Variants in STK3 observed in about 807,000 individuals in gnomAD.
STK3 encodes serine/threonine-protein kinase 3.
Under a neutral mutation model 58.0 loss-of-function variants are expected in STK3, and 41 were observed. The observed-to-expected ratio is 0.71, with a 90% CI of 0.55 to 0.92. The LOEUF (loss-of-function observed/expected upper bound fraction) is 0.92, where lower values mean the gene tolerates loss of function less well. STK3 is among the 40% of genes least tolerant of loss of function. The probability of loss-of-function intolerance (pLI) is 0.00; values close to 1 mark genes in which losing one functional copy is unlikely to be tolerated. For synonymous variants in STK3, 170 were observed against 191.0 expected (o/e 0.89, Z 0.91); for missense variants, 479 against 602.7 (o/e 0.79, Z 2.15).
chr8:98,931,762 A>C (rs1002666157), intron 1 of STK3, among the ~76,000 whole-genome samples: 2 of 152,204 alleles, frequency 1.3e-5, no homozygotes, highest in African/African-American at 2.4e-5. Flanking sequence ...AATACACAAC[A>C]ATCTCCTTTC....
At chr8:98,651,055 C>A (rs965630965) in intron 6 of STK3, among the ~76,000 whole-genome samples, 1 of 152,252 alleles carries the variant, frequency 6.6e-6, no homozygotes, top group Non-Finnish European at 1.5e-5. Context: ...GGGTCCCTGA[C>A]CCCTGGCCCT....
intron 6 of STK3, among the ~76,000 whole-genome samples, chr8:98,620,599 A>T (rs916802289): frequency 7.9e-5 from 12 of 151,652 alleles, no homozygotes; most frequent in Non-Finnish European, 1.8e-4. Flanking sequence ...ATCCTGTTAA[A>T]ATTTGTAGGA....
chr8:98,881,956 C>T (rs1837809105), downstream of STK3: 2 of 152,072 alleles, frequency 1.3e-5, no homozygotes, highest in South Asian at 4.1e-4. Flanking sequence ...CACTGCACTC[C>T]AGCCTGGGTG....
At chr8:98,634,299 C>G (rs1819472936) in intron 6 of STK3, among the ~76,000 whole-genome samples, 1 of 152,026 alleles carries the variant, frequency 6.6e-6, no homozygotes, top group African/African-American at 2.4e-5. Flanking sequence ...ACAGCCTGGG[C>G]AACATGGTGA....
chr8:98,697,487 G>C (rs1249151455), intron 6 of STK3, among the ~76,000 whole-genome samples: 1 of 152,070 alleles, frequency 6.6e-6, no homozygotes, highest in Non-Finnish European at 1.5e-5. Context: ...TTTCTCTTGT[G>C]GGCATTTAAT....
chr8:98,937,369 A>G (rs775098749), intron 1 of STK3, among the ~76,000 whole-genome samples: 1 of 152,250 alleles, frequency 6.6e-6, no homozygotes, highest in Non-Finnish European at 1.5e-5. Context: ...TTGGAAAGCC[A>G]GAAGTTAAGC....
chr8:98,470,606 T>C (rs1349519896), intron 10 of STK3, among the ~76,000 whole-genome samples: 1 of 152,256 alleles, frequency 6.6e-6, no homozygotes, highest in Non-Finnish European at 1.5e-5. Context: ...CTGAGGAAAT[T>C]GCAGATTCTG....
intron 1 of STK3, among the ~76,000 whole-genome samples, chr8:98,822,180 T>C (rs535347268): frequency 1.8e-4 from 28 of 152,234 alleles, no homozygotes; most frequent in Non-Finnish European, 2.9e-4. Context: ...GGAGTGTAAT[T>C]GAGAAGAAAT....
intron 7 of STK3, among the ~76,000 whole-genome samples, chr8:98,592,040 A>G (rs1449613936): frequency 6.6e-6 from 1 of 152,198 alleles, no homozygotes; most frequent in African/African-American, 2.4e-5. Flanking sequence ...CAGGTCCTTA[A>G]CAATTCACAC....
At chr8:98,868,793 A>C (rs974928528) in intron 3 of STK3, among the ~76,000 whole-genome samples, 3 of 151,534 alleles carry the variant, frequency 2.0e-5, no homozygotes, top group African/African-American at 7.3e-5. Flanking sequence ...GCATAGTGAG[A>C]CCTTGTCTCT....
chr8:98,937,886 A>G (rs1192188460), intron 1 of STK3, among the ~76,000 whole-genome samples: 2 of 152,356 alleles, frequency 1.3e-5, no homozygotes, highest in East Asian at 3.9e-4. Flanking sequence ...GAATGTTACT[A>G]TATCAAACCA....
chr8:98,541,053 T>G (rs1329666042), intron 9 of STK3, among the ~76,000 whole-genome samples: 6 of 152,202 alleles, frequency 3.9e-5, no homozygotes, highest in African/African-American at 1.4e-4. Context: ...TATTCCTCGT[T>G]GTGGCAGTAG....
In STK3 at chr8:98,428,350, A is replaced by G. The variant is rs772878262; in HGVS notation, n.483+5777T>C. The G allele has an allele frequency of 2.5e-6, 4 of 1,614,150 alleles. No homozygotes were observed. Among genetic ancestry groups the G allele is most frequent in the Non-Finnish European group, 2.5e-6 (3 of 1,180,020 alleles). On this transcript the variant is annotated intron_variant and non_coding_transcript_variant, in intron 3 of 3. Transcript: ENST00000517832. The surrounding 1 kb of genome is among the most constrained non-coding windows in gnomAD (Gnocchi z 6.7). ...GACTCCTGCTGCAGCTACAGCTACC[A>G]TGGCCGCAAAGTAGAGCCCGAGCAG...
chr8:98,741,877 A>C (rs1234277729), intron 4 of STK3, among the ~76,000 whole-genome samples: 2 of 152,220 alleles, frequency 1.3e-5, no homozygotes, highest in Non-Finnish European at 2.9e-5. Context: ...AAATAGAAGC[A>C]ATAAAAAATG....
In STK3 at chr8:98,658,430, T is replaced by C. The variant is rs138101260; in HGVS notation, c.684+48037A>G. ...AAGTTGCTCAGCAACAACAGCAAAC[T>C]AAAGCAAACATATCTGTTCCTAGTT... On this transcript the variant is annotated intron_variant, in intron 6 of 10. Coordinates refer to ENST00000419617, the MANE Select transcript of STK3 (RefSeq NM_006281.4). 2.3e-3 allele frequency among the ~76,000 whole-genome samples: 353 copies of C among 152,072 alleles called. 2 individuals are homozygous for C. The highest frequency in any genetic ancestry group is 7.8e-3 in the African/African-American group (325 of 41,512).
chr8:98,724,048 C>G (rs2131203592), intron 4 of STK3, among the ~76,000 whole-genome samples: 1 of 152,262 alleles, frequency 6.6e-6, no homozygotes, highest in South Asian at 2.1e-4. Context: ...CAAGGATTTA[C>G]TGAAAGTCTG....
chr8:98,620,731 T>C (rs1016739406), intron 6 of STK3, among the ~76,000 whole-genome samples: 9 of 151,574 alleles, frequency 5.9e-5, no homozygotes, highest in Admixed American at 2.0e-4. Context: ...GTTAAAAATA[T>C]CAATGTAACA....
rs565022032 is a variant in STK3, at chr8:98,640,456, T to C, written c.685-44287A>G. 7.9e-5 allele frequency among the ~76,000 whole-genome samples: 12 copies of C among 152,266 alleles called. No individual in the cohort carries two copies. In the South Asian group the frequency reaches 1.2e-3, roughly 16 times the overall value. ...TGTAATCTAGTGGAAAAATGTGATA[T>C]AAAAAAACATAAAAGTTAATGATAT... On this transcript the variant is annotated intron_variant, in intron 6 of 10. Coordinates refer to ENST00000419617, the MANE Select transcript of STK3 (RefSeq NM_006281.4).
intron 10 of STK3, among the ~76,000 whole-genome samples, chr8:98,468,681 G>GTC (rs1438753888): frequency 6.6e-6 from 1 of 152,220 alleles, no homozygotes; most frequent in Non-Finnish European, 1.5e-5. Context: ...ACTTAGATGT[G>GTC]TCTCATGGGG....
Sources: gnomAD v4.1 joint callset for allele counts (sites outside exome capture counted in the v4.1 genomes callset) on GRCh38, gnomAD v4.1.1 for gene constraint, Gnocchi (gnomAD v3.1) non-coding constraint, MANE v1.5 for transcripts, NCBI Gene and HGNC (gene_info 2026-07-23, HGNC 2026-07-21) for gene names.